Variants in CASP9 observed in about 807,000 individuals in gnomAD.
CASP9 encodes the protein caspase 9, also known as caspase-9.
Under a neutral mutation model 43.5 loss-of-function variants are expected in CASP9, and 29 were observed. The observed-to-expected ratio is 0.67, with a 90% CI of 0.50 to 0.91. The LOEUF (loss-of-function observed/expected upper bound fraction) is 0.91, where lower values mean the gene tolerates loss of function less well. Among genes scored for constraint, CASP9 ranks in the 40% least tolerant of loss-of-function variants. The probability of loss-of-function intolerance (pLI) is 0.00; values close to 1 mark genes in which losing one functional copy is unlikely to be tolerated. For missense variants in CASP9, 575 were observed against 537.4 expected (o/e 1.07, Z -0.69); for synonymous variants, 206 against 211.9 (o/e 0.97, Z 0.24).
At chr1:15,509,941 T>G (rs372331053) in intron 2 of CASP9, among the ~76,000 whole-genome samples, 7 of 152,064 alleles carry the variant, frequency 4.6e-5, no homozygotes. Flanking sequence ...TGTTTTTTCT[T>G]TTTTTTTGAG....
At chr1:15,508,722 A>G (rs1467194130) in intron 2 of CASP9, among the ~76,000 whole-genome samples, 1 of 139,194 alleles carries the variant, frequency 7.2e-6, no homozygotes, top group East Asian at 3.0e-4. Context: ...GCCTCAAATC[A>G]TTTCTTTTCT....
rs1288746516 is a variant in CASP9, at chr1:15,493,999, A to G, written c.1051T>C (p.Phe351Leu). ...IFVSYSTFPGFVSWRDPKSGS... is the reference protein window; with the variant it reads ...IFVSYSTFPGLVSWRDPKSGS... ...CTCTTGGGGTCCCTCCAGGAAACAA[A>G]ACCTTTGGAGGGAGGAGGGCTGAAC... is the stretch of plus-strand genomic sequence containing the variant. Residue 351 changes from phenylalanine to leucine, a missense_variant and splice_region_variant, in exon 8 of 9, where the codon TTT becomes CTT. Phe to Leu is a conservative substitution (Grantham distance 22). Coordinates refer to ENST00000333868, the MANE Select transcript of CASP9 (RefSeq NM_001229.5). The G allele has an allele frequency of 6.3e-7, 1 of 1,584,538 alleles. No homozygotes were observed. The highest frequency in any genetic ancestry group is 2.3e-5 in the East Asian group (1 of 43,682).
Position 15,492,721 on chromosome 1 carries a change from G to T in CASP9, c.*222C>A. On this transcript the variant is annotated 3_prime_UTR_variant, in exon 9 of 9. Transcript: ENST00000333868. ...GACCAGCCACTGCTCAAGAGGCCAC[G>T]TGCAATCCACGGCATTCATCTGTCC... The T allele has an allele frequency of 1.6e-6, 1 of 610,226 alleles. No individual in the cohort carries two copies. The highest frequency in any genetic ancestry group is 2.8e-6 in the Non-Finnish European group (1 of 354,028). 37.8% of individuals were successfully genotyped at this position (610,226 alleles called of 1,614,324 possible).
chr1:15,507,193 A>C, intron 3 of CASP9, 118 bp from the exon 4 acceptor site: 5 of 1,172,938 alleles, frequency 4.3e-6, no homozygotes, highest in African/African-American at 1.5e-5. Context: ...CAGGGTCTCC[A>C]CCCGGCATTC....
At chr1:15,513,013 T>C (rs1374032955) in intron 2 of CASP9, among the ~76,000 whole-genome samples, 3 of 151,886 alleles carry the variant, frequency 2.0e-5, no homozygotes, top group Non-Finnish European at 4.4e-5. Flanking sequence ...ACAAAAAAAT[T>C]AGCTGGGCAT....
In CASP9 at chr1:15,495,302, T is replaced by A. The variant is rs954522290; in HGVS notation, c.1019A>T (p.Asp340Val). 2 of 1,611,224 alleles carry A rather than the reference T, an allele frequency of 1.2e-6. No homozygotes were observed. The highest frequency in any genetic ancestry group is 1.3e-5 in the African/African-American group (1 of 74,382). The change falls in exon 7 of 9, where the codon GAC (aspartate) becomes GTC (valine). Residue 340 changes from aspartate to valine, a missense_variant. Physicochemically the swap from Asp to Val is radical, Grantham distance 152 (BLOSUM62 -3). Coordinates refer to ENST00000333868, the MANE Select transcript of CASP9 (RefSeq NM_001229.5). ...GAAAGTAGAGTAGGACACAAAGATG[T>A]CACTGGGTGTGGGCAAACTAGATAT... ...DAISSLPTPS[D>V]IFVSYSTFPG... is the part of the protein sequence containing the mutation.
At chr1:15,524,396 G>A, upstream of CASP9, 2 of 1,320,252 alleles carry the variant, frequency 1.5e-6, no homozygotes, top group South Asian at 3.4e-5. Flanking sequence ...TTGCGTCACC[G>A]CCCCGCCCTC....
intron 6 of CASP9, among the ~76,000 whole-genome samples, chr1:15,502,203 G>A (rs1169633270): frequency 6.6e-6 from 1 of 152,132 alleles, no homozygotes; most frequent in Non-Finnish European, 1.5e-5. Context: ...CAATGAGACA[G>A]TGCTATGGTA....
In CASP9 at chr1:15,506,936, T is replaced by G; in HGVS notation, c.593A>C (p.His198Pro). 6.2e-7 allele frequency: 1 copy of G among 1,613,046 alleles called. No homozygotes were observed. Among genetic ancestry groups the G allele is most frequent in the Non-Finnish European group, 8.5e-7 (1 of 1,179,368 alleles). ...EKLRRRFSSLHFMVEVKGDLT... is the reference protein window; with the variant it reads ...EKLRRRFSSLPFMVEVKGDLT... Reference sequence around the variant, plus strand: ...GTCGCCCTTCACCTCCACCATGAAATGCAGCGAGGAGAAGCGACGCCGCAA... The same window carrying G: ...GTCGCCCTTCACCTCCACCATGAAAGGCAGCGAGGAGAAGCGACGCCGCAA... Residue 198 changes from histidine to proline, a missense_variant, in exon 4 of 9, where the codon CAT (histidine) becomes CCT (proline). By Grantham distance (77) the His-to-Pro change is moderately conservative. Transcript: ENST00000333868.
chr1:15,519,783 G>C (rs1710106524), intron 1 of CASP9: 1 of 152,626 alleles, frequency 6.6e-6, no homozygotes, highest in African/African-American at 2.4e-5. Context: ...GAAGTGGGAG[G>C]ATAGCTTGAG....
intron 3 of CASP9, 126 bp from the exon 4 acceptor site, chr1:15,507,201 T>C (rs963751449): frequency 3.8e-6 from 4 of 1,052,966 alleles, no homozygotes; most frequent in African/African-American, 1.6e-5. Flanking sequence ...CCACCCGGCA[T>C]TCCAGGGCAA....
intron 6 of CASP9, among the ~76,000 whole-genome samples, chr1:15,504,237 A>G (rs935488853): frequency 2.0e-5 from 3 of 152,146 alleles, no homozygotes; most frequent in Non-Finnish European, 4.4e-5. Flanking sequence ...AGCTGTGGCC[A>G]CCCTTTCTCT....
intron 2 of CASP9, among the ~76,000 whole-genome samples, chr1:15,508,238 T>C (rs1378462300): frequency 1.3e-5 from 2 of 152,126 alleles, no homozygotes; most frequent in Non-Finnish European, 2.9e-5. Context: ...TTGGTAGATA[T>C]ACAAATTGTG....
intron 2 of CASP9, among the ~76,000 whole-genome samples, chr1:15,510,071 C>T (rs995783404): frequency 6.6e-6 from 1 of 152,062 alleles, no homozygotes; most frequent in Non-Finnish European, 1.5e-5. Flanking sequence ...GCTGGGAGTA[C>T]AGGCACCTGC....
intron 2 of CASP9, among the ~76,000 whole-genome samples, chr1:15,511,817 AT>A (rs895449299): frequency 6.6e-6 from 1 of 152,142 alleles, no homozygotes; most frequent in African/African-American, 2.4e-5. Context: ...GCACTCTGTG[AT>A]TTTCAATCAG....
At chr1:15,493,438 G>C in intron 8 of CASP9, 2 of 1,249,814 alleles carry the variant, frequency 1.6e-6, no homozygotes, top group South Asian at 4.6e-5. Context: ...GGGCCTATCA[G>C]GCCACCCTTC....
intron 5 of CASP9, among the ~76,000 whole-genome samples, chr1:15,504,965 T>C (rs4646049): frequency 0.12 from 18,683 of 152,230 alleles, 1,254 homozygotes; most frequent in Middle Eastern, 0.17. Context: ...GTCAAACTCA[T>C]GTGCCTCTAG....
At chr1:15,499,969 C>A (rs59278275) in intron 6 of CASP9, among the ~76,000 whole-genome samples, 2,527 of 152,190 alleles carry the variant, frequency 0.017, 57 homozygotes, top group African/African-American at 0.058. Context: ...AGGACTTGTG[C>A]CCCACATGGC....
rs191654259 is a variant in CASP9, at chr1:15,509,762, G to A, written c.419-1855C>T. Among the ~76,000 whole-genome samples, 91 of 152,304 alleles carry A rather than the reference G, an allele frequency of 6.0e-4. 1 individual carries two copies. The highest frequency in any genetic ancestry group is 2.1e-3 in the African/African-American group (88 of 41,558). On this transcript the variant is annotated intron_variant, in intron 2 of 8. Coordinates refer to ENST00000333868, the MANE Select transcript of CASP9 (RefSeq NM_001229.5). ...AGAGGTGAGAGAAGCTCAGGAGAGC[G>A]GATGCTCACTGTCTGCGAGTCCACA...
Sources: gnomAD v4.1 joint callset for allele counts (sites outside exome capture counted in the v4.1 genomes callset) on GRCh38, gnomAD v4.1.1 for gene constraint, MANE v1.5 for transcripts, NCBI Gene and HGNC (gene_info 2026-07-23, HGNC 2026-07-21) for gene names.